PCDHGA2: variants seen among roughly 807,000 people sequenced by gnomAD.
PCDHGA2 encodes the protein protocadherin gamma-A2.
PCDHGA2 carries 40 observed loss-of-function variants against 59.2 expected under a neutral mutation model. The ratio of observed to expected loss-of-function variants is 0.68; its 90% confidence interval spans 0.52 to 0.88. The LOEUF (loss-of-function observed/expected upper bound fraction) is 0.88, where lower values mean the gene tolerates loss of function less well. Among genes scored for constraint, PCDHGA2 ranks in the 40% least tolerant of loss-of-function variants. PCDHGA2 has a pLI of 0.00. For synonymous variants in PCDHGA2, 560 were observed against 526.0 expected, an observed-to-expected ratio of 1.06 and a Z score of -0.89; for missense variants, 1,226 against 1,204.0, an observed-to-expected ratio of 1.02 and a Z score of -0.27.
rs200117787 is a variant in PCDHGA2, at chr5:141,477,443, G to T, written c.2425-17364G>T. ...CCCTTCCCTCTCAGCCCTTACAATA[G>T]TGCGTGTTCAAGTGTCCGACATCAA... On this transcript the variant is annotated intron_variant, in intron 1 of 3. Coordinates refer to ENST00000394576, the MANE Select transcript of PCDHGA2 (RefSeq NM_018915.4). This position sits in a 1 kb window ranked among gnomAD's most constrained non-coding sequence, Gnocchi z 4.9. The T allele has an allele frequency of 1.7e-5, 28 of 1,614,136 alleles. No homozygotes were observed. In the East Asian group the frequency reaches 6.2e-4, roughly 36 times the overall value.
chr5:141,351,028 C>A (rs1280700685), intron 1 of PCDHGA2: 3 of 1,614,092 alleles, frequency 1.9e-6, no homozygotes, highest in Non-Finnish European at 2.5e-6. Flanking sequence ...CGTGGGGAAC[C>A]TCCGTGCTGC....
chr5:141,339,751 G>T lies in PCDHGA2; in HGVS notation c.780G>T (p.Arg260=). Residue 260 remains arginine, a synonymous_variant, in exon 1 of 4, where the codon CGG becomes CGT. Transcript: ENST00000394576. The part of the protein sequence containing the change: ...SIPENTLVGT[R]ILTVTATDAD... ...CGGAGAATACGCTCGTGGGCACCCG[G>T]ATACTCACGGTGACCGCCACTGACG... is the stretch of plus-strand genomic sequence containing the variant. 1 of 1,614,132 alleles carries T rather than the reference G, an allele frequency of 6.2e-7. No individual in the cohort carries two copies. Among genetic ancestry groups the T allele is most frequent in the Non-Finnish European group, 8.5e-7 (1 of 1,180,002 alleles).
intron 1 of PCDHGA2, chr5:141,345,902 G>T (rs756300628): frequency 2.5e-6 from 4 of 1,611,582 alleles, no homozygotes; most frequent in Admixed American, 1.7e-5. Flanking sequence ...GTCTGCACAC[G>T]GGCGAGGTGC....
Position 141,485,164 on chromosome 5 carries a change from G to A in PCDHGA2, c.2425-9643G>A, listed in dbSNP as rs2099608516. 2 of 1,605,832 alleles carry A rather than the reference G, an allele frequency of 1.2e-6. No homozygotes were observed. Among genetic ancestry groups the A allele is most frequent in the Admixed American group, 1.7e-5 (1 of 59,836 alleles). On this transcript the variant is annotated intron_variant, in intron 1 of 3. Coordinates refer to ENST00000394576, the MANE Select transcript of PCDHGA2 (RefSeq NM_018915.4). This position sits in a 1 kb window ranked among gnomAD's most constrained non-coding sequence, Gnocchi z 5.7. ...CTCAGGAGCAAGTAGAGAATTAGCG[G>A]GCGGCAGCAATGCTCCGCAAGGTGA...
At chr5:141,506,930 T>C (rs2099857287) in intron 3 of PCDHGA2, among the ~76,000 whole-genome samples, 1 of 152,150 alleles carries the variant, frequency 6.6e-6, no homozygotes, top group African/African-American at 2.4e-5. Context: ...AAACAAACTT[T>C]AGGGGCCTCC....
Position 141,485,746 on chromosome 5 carries a change from C to T in PCDHGA2, c.2425-9061C>T, listed in dbSNP as rs1297635523. ...AGAAGCGCAGCGACGGCAGCCTGGT[C>T]CCAGAGCTGCTCCTGGAGAAGCCTT... On this transcript the variant is annotated intron_variant, in intron 1 of 3. Coordinates refer to ENST00000394576, the MANE Select transcript of PCDHGA2 (RefSeq NM_018915.4). The surrounding 1 kb of genome is among the most constrained non-coding windows in gnomAD (Gnocchi z 5.7). 6.2e-7 allele frequency: 1 copy of T among 1,614,128 alleles called. No individual in the cohort carries two copies. The highest frequency in any genetic ancestry group is 2.2e-5 in the East Asian group (1 of 44,880).
intron 1 of PCDHGA2, among the ~76,000 whole-genome samples, chr5:141,438,629 TATATATACACAC>T (rs1343412075): frequency 0.05 from 2,378 of 47,602 alleles, 22 homozygotes; most frequent in African/African-American, 0.12. Context: ...TATATATATA[TATATATACACAC>T]ACACACACAC....
At chr5:141,350,736 T>C (rs1171513351) in intron 1 of PCDHGA2, 1 of 1,613,848 alleles carries the variant, frequency 6.2e-7, no homozygotes, top group Non-Finnish European at 8.5e-7. Context: ...GATGCAGATG[T>C]GGAAGGCAAT....
At chr5:141,362,193 A>G (rs747599782) in intron 1 of PCDHGA2, 54 of 1,613,866 alleles carry the variant, frequency 3.3e-5, no homozygotes, top group Middle Eastern at 1.6e-4. Flanking sequence ...ACCCCCAGGC[A>G]AAACTGCAGT....
Position 141,432,492 on chromosome 5 carries a change from C to A in PCDHGA2, c.2425-62315C>A. On this transcript the variant is annotated intron_variant, in intron 1 of 3. Transcript: ENST00000394576. The surrounding 1 kb of genome is among the most constrained non-coding windows in gnomAD (Gnocchi z 6.0). ...GACGGTTCCACTGGCGTGGAGCTGG[C>A]TCCCCGCTCCGCAGAGCCCGGCTAC... 6.2e-7 allele frequency: 1 copy of A among 1,614,168 alleles called. No individual in the cohort carries two copies. Among genetic ancestry groups the A allele is most frequent in the Admixed American group, 1.7e-5 (1 of 60,034 alleles).
chr5:141,364,214 G>A lies in PCDHGA2; in HGVS notation c.2424+22819G>A, dbSNP rs935384771. 7 of 1,287,292 alleles carry A rather than the reference G, an allele frequency of 5.4e-6. No individual in the cohort carries two copies. In the African/African-American group the frequency reaches 6.0e-5, roughly 11 times the overall value. The allele number at this position is 1,287,292 out of a possible 1,614,324, so 79.7% of individuals were successfully genotyped here. A position where few individuals can be genotyped will look rare whatever the true frequency, so the allele number is the denominator to read the frequency against. On this transcript the variant is annotated intron_variant, in intron 1 of 3. Transcript: ENST00000394576. ...ACACACAGACCAGACAAGCTCCTAC[G>A]AAAAGCCAACGCTCCACGCCCATTT...
At chr5:141,481,649 C>G (rs1199734660) in intron 1 of PCDHGA2, among the ~76,000 whole-genome samples, 1 of 152,012 alleles carries the variant, frequency 6.6e-6, no homozygotes, top group African/African-American at 2.4e-5. Flanking sequence ...GAAACTTCAT[C>G]TCTACTAATA....
intron 1 of PCDHGA2, among the ~76,000 whole-genome samples, chr5:141,437,526 G>A (rs1199002765): frequency 1.3e-5 from 2 of 152,160 alleles, no homozygotes; most frequent in East Asian, 3.8e-4. Context: ...GATGACAAAT[G>A]AGCAAATTGT....
Position 141,456,380 on chromosome 5 carries a change from C to T in PCDHGA2, c.2425-38427C>T, listed in dbSNP as rs186993611. ...CCATGTGTGGTTCAGTTTACAGCAC[C>T]GTTTGGAGTTTGATTGCTTCTAGGC... is the stretch of plus-strand genomic sequence containing the variant. On this transcript the variant is annotated intron_variant, in intron 1 of 3. Coordinates refer to ENST00000394576, the MANE Select transcript of PCDHGA2 (RefSeq NM_018915.4). Among the ~76,000 whole-genome samples, 427 of 152,082 alleles carry T rather than the reference C, an allele frequency of 2.8e-3. 1 individual carries two copies. Among genetic ancestry groups the T allele is most frequent in the Non-Finnish European group, 2.7e-3 (184 of 68,004 alleles).
chr5:141,465,049 T>G (rs546927594), intron 1 of PCDHGA2, among the ~76,000 whole-genome samples: 1 of 152,016 alleles, frequency 6.6e-6, no homozygotes, highest in Non-Finnish European at 1.5e-5. Flanking sequence ...ACCCTATATA[T>G]TTTTTTGAAT....
intron 1 of PCDHGA2, chr5:141,362,306 G>T (rs368350867): frequency 5.0e-6 from 8 of 1,613,932 alleles, no homozygotes; most frequent in Non-Finnish European, 5.9e-6. Context: ...TCAGATGCTT[G>T]GGACTGTTTT....
intron 1 of PCDHGA2, among the ~76,000 whole-genome samples, chr5:141,461,148 A>G (rs1293565790): frequency 1.3e-5 from 2 of 152,090 alleles, no homozygotes; most frequent in Non-Finnish European, 2.9e-5. Context: ...CTTTGGGTAG[A>G]TACCCAATAG....
chr5:141,344,776 G>A (rs774225776), intron 1 of PCDHGA2: 6 of 1,613,830 alleles, frequency 3.7e-6, no homozygotes, highest in Admixed American at 3.3e-5. Context: ...CCTGAGTACC[G>A]TGTGAGTGTT....
intron 1 of PCDHGA2, among the ~76,000 whole-genome samples, chr5:141,484,752 A>G (rs181317421): frequency 6.6e-5 from 10 of 151,098 alleles, no homozygotes; most frequent in Admixed American, 3.3e-4. Context: ...AAAAAAATGT[A>G]TATATATATA....
Sources: gnomAD v4.1 joint callset for allele counts (sites outside exome capture counted in the v4.1 genomes callset) on GRCh38, gnomAD v4.1.1 for gene constraint, Gnocchi (gnomAD v3.1) non-coding constraint, MANE v1.5 for transcripts, NCBI Gene and HGNC (gene_info 2026-07-23, HGNC 2026-07-21) for gene names.